Variants in ZFPM2 observed in about 807,000 individuals in gnomAD.
The protein encoded by ZFPM2 is zinc finger protein ZFPM2.
Under a neutral mutation model 98.6 loss-of-function variants are expected in ZFPM2, and 20 were observed. The observed-to-expected ratio is 0.20, with a 90% CI of 0.14 to 0.29. The LOEUF (loss-of-function observed/expected upper bound fraction) is 0.29, where lower values mean the gene tolerates loss of function less well. ZFPM2 is among the 10% of genes least tolerant of loss of function. The pLI is 1.00. For synonymous variants in ZFPM2, 518 were observed against 502.7 expected (o/e 1.03, Z -0.41); for missense variants, 1,310 against 1,388.6 (o/e 0.94, Z 0.90).
At chr8:105,357,857 G>C (rs1211019082) in intron 1 of ZFPM2, among the ~76,000 whole-genome samples, 1 of 152,056 alleles carries the variant, frequency 6.6e-6, no homozygotes, top group Non-Finnish European at 1.5e-5. Flanking sequence ...CTGTTACTGG[G>C]TTCATCAGAG....
At chr8:105,347,771 G>T (rs1455744049) in intron 1 of ZFPM2, among the ~76,000 whole-genome samples, 1 of 152,032 alleles carries the variant, frequency 6.6e-6, no homozygotes, top group Non-Finnish European at 1.5e-5. Flanking sequence ...TTATTCAAGT[G>T]TTTAAATTTC....
chr8:105,565,332 C>CT (rs1415672886), intron 4 of ZFPM2, among the ~76,000 whole-genome samples: 1 of 152,112 alleles, frequency 6.6e-6, no homozygotes, highest in Admixed American at 6.6e-5. Context: ...AATAGAGTAT[C>CT]TTTTGTCCAC....
intron 5 of ZFPM2, among the ~76,000 whole-genome samples, chr8:105,719,471 GGA>G (rs1811606297): frequency 6.6e-6 from 1 of 151,722 alleles, no homozygotes; most frequent in South Asian, 2.1e-4. Flanking sequence ...TTAATATCTT[GGA>G]CTCTGAATTC....
intron 5 of ZFPM2, 49 bp from the exon 6 acceptor site, chr8:105,788,669 C>T: frequency 1.3e-6 from 2 of 1,571,606 alleles, no homozygotes; most frequent in Non-Finnish European, 1.8e-6. Context: ...TTACAACAGA[C>T]TCAAGCATCC....
intron 1 of ZFPM2, among the ~76,000 whole-genome samples, chr8:105,395,743 G>A (rs1374718757): frequency 6.6e-6 from 1 of 152,110 alleles, no homozygotes; most frequent in East Asian, 1.9e-4. Context: ...TTGGACACAC[G>A]TAATTTATAA....
chr8:105,743,531 A>G (rs1442326), intron 5 of ZFPM2, among the ~76,000 whole-genome samples: 41,272 of 151,840 alleles, frequency 0.27, 6,052 homozygotes, highest in East Asian at 0.36. Context: ...TCACTCCTCT[A>G]TGGATAATAT....
At chr8:105,401,707 A>G (rs1041270112) in intron 1 of ZFPM2, among the ~76,000 whole-genome samples, 2 of 152,154 alleles carry the variant, frequency 1.3e-5, no homozygotes, top group Non-Finnish European at 2.9e-5. Context: ...ACCCCAAACT[A>G]TCAAAACCAT....
chr8:105,391,962 C>A (rs568373523), intron 1 of ZFPM2, among the ~76,000 whole-genome samples: 1 of 152,316 alleles, frequency 6.6e-6, no homozygotes, highest in African/African-American at 2.4e-5. Context: ...TTTCAGATTA[C>A]TTTGTTCAGG....
chr8:105,712,139 G>C (rs1213952016), intron 5 of ZFPM2, among the ~76,000 whole-genome samples: 1 of 151,928 alleles, frequency 6.6e-6, no homozygotes, highest in Admixed American at 6.6e-5. Context: ...CCAGTGGAGA[G>C]TTATAAGATG....
Position 105,803,256 on chromosome 8 carries a change from A to C in ZFPM2, c.3174A>C (p.Pro1058=). The change falls in exon 8 of 8, where the codon CCA becomes CCC. Residue 1058 remains proline (P), a synonymous_variant. Coordinates refer to ENST00000407775, the MANE Select transcript of ZFPM2 (RefSeq NM_012082.4). The part of the protein sequence containing the change: ...LKQDERPAAN[P]QQENISQNPQ... The stretch of plus-strand genomic sequence containing the variant: ...AAGATGAGAGACCTGCTGCCAACCC[A>C]CAGCAAGAGAACATTTCCCAGAATC... 1.2e-6 allele frequency: 2 copies of C among 1,601,762 alleles called. No individual in the cohort carries two copies. The highest frequency in any genetic ancestry group is 1.7e-6 in the Non-Finnish European group (2 of 1,173,240).
At chr8:105,614,791 T>C (rs1816379788) in intron 4 of ZFPM2, among the ~76,000 whole-genome samples, 1 of 152,176 alleles carries the variant, frequency 6.6e-6, no homozygotes, top group South Asian at 2.1e-4. Context: ...CAAGATAATT[T>C]GGTTTTATTG....
chr8:105,494,182 A>T (rs1315924203), intron 3 of ZFPM2, among the ~76,000 whole-genome samples: 6 of 41,984 alleles, frequency 1.4e-4, no homozygotes, highest in Non-Finnish European at 2.7e-4. Flanking sequence ...TGCCACCAAA[A>T]GTATATATAT....
At chr8:105,466,124 A>C (rs969475870) in intron 3 of ZFPM2, among the ~76,000 whole-genome samples, 23 of 152,018 alleles carry the variant, frequency 1.5e-4, no homozygotes, top group African/African-American at 5.3e-4. Context: ...TAAAGGTTTT[A>C]TGACATTGCA....
At chr8:105,660,583 G>A (rs1407773897) in intron 5 of ZFPM2, among the ~76,000 whole-genome samples, 1 of 152,174 alleles carries the variant, frequency 6.6e-6, no homozygotes, top group African/African-American at 2.4e-5. Context: ...ATGTATAAAT[G>A]TGCGTATATG....
intron 3 of ZFPM2, among the ~76,000 whole-genome samples, chr8:105,487,977 A>T (rs1359687345): frequency 6.6e-6 from 1 of 150,898 alleles, no homozygotes; most frequent in East Asian, 2.0e-4. Context: ...TTTTAGAGTC[A>T]TTTTAGTTTT....
chr8:105,659,904 T>C (rs1817354905), intron 5 of ZFPM2, among the ~76,000 whole-genome samples: 1 of 152,214 alleles, frequency 6.6e-6, no homozygotes, highest in African/African-American at 2.4e-5. Context: ...AACATTTCTT[T>C]CTTGAAACTC....
chr8:105,393,653 G>A (rs1047206928), intron 1 of ZFPM2, among the ~76,000 whole-genome samples: 3 of 151,964 alleles, frequency 2.0e-5, no homozygotes, highest in African/African-American at 7.2e-5. Context: ...CATAGTCTTG[G>A]GTGGGAGAAA....
chr8:105,608,363 G>A (rs981383151), intron 4 of ZFPM2, among the ~76,000 whole-genome samples: 2 of 151,948 alleles, frequency 1.3e-5, no homozygotes, highest in African/African-American at 4.8e-5. Context: ...AAATTTTACT[G>A]GTTATTCTTG....
In ZFPM2 at chr8:105,802,815, A is replaced by G; in HGVS notation, c.2733A>G (p.Arg911=). ...ACAGCCCTGATGTCAGCTACGAAAG[A>G]AGCATAATAAAATGTGAGAAAAATG... ...ERNSPDVSYE[R]SIIKCEKNGN... is the part of the protein sequence containing the mutation. Residue 911 remains arginine (R), a synonymous_variant, in exon 8 of 8, where the codon AGA becomes AGG. Transcript: ENST00000407775. 1 of 1,613,666 alleles carries G rather than the reference A, an allele frequency of 6.2e-7. No individual in the cohort carries two copies. The highest frequency in any genetic ancestry group is 2.2e-5 in the East Asian group (1 of 44,830).
Sources: allele counts gnomAD v4.1 joint callset (sites outside exome capture counted in the v4.1 genomes callset), GRCh38; gene constraint gnomAD v4.1.1; transcripts MANE v1.5; gene names NCBI Gene and HGNC (gene_info 2026-07-23, HGNC 2026-07-21).